Variants in NKAIN2 observed in about 807,000 individuals in gnomAD.
NKAIN2 encodes sodium/potassium-transporting ATPase subunit beta-1-interacting protein 2.
A neutral mutation model predicts 32.6 loss-of-function variants in NKAIN2; 14 were observed. That is an observed-to-expected ratio of 0.43 (90% confidence interval 0.28 to 0.67). NKAIN2 has a LOEUF of 0.67. NKAIN2 is among the 30% of genes least tolerant of loss of function. NKAIN2 has a pLI of 0.17. For missense variants in NKAIN2, 198 were observed against 258.3 expected (o/e 0.77, Z 1.60); for synonymous variants, 80 against 87.2 (o/e 0.92, Z 0.46).
intron 1 of NKAIN2, among the ~76,000 whole-genome samples, chr6:124,245,171 TG>T (rs1793329940): frequency 6.6e-6 from 1 of 152,126 alleles, no homozygotes; most frequent in South Asian, 2.1e-4. Context: ...TTCACCTAAG[TG>T]TGTTCTCCAT....
intron 1 of NKAIN2, among the ~76,000 whole-genome samples, chr6:124,261,447 C>T (rs1340496639): frequency 6.6e-6 from 1 of 152,114 alleles, no homozygotes; most frequent in Non-Finnish European, 1.5e-5. Context: ...TGTTTGAATC[C>T]CTCAGACCTC....
In NKAIN2 at chr6:124,735,858, C is replaced by T. The variant is rs767475179; in HGVS notation, c.475-55481C>T. Among the ~76,000 whole-genome samples, 3 of 151,832 alleles carry T rather than the reference C, an allele frequency of 2.0e-5. No homozygotes were observed. The East Asian group carries it at 5.8e-4, about 29-fold the overall frequency. ...ATTCCCCCATCTCTCTCCCTTTCTTCCAGCCTCCCTATTCTTTCATACACA... is the reference window on the plus strand; with the variant it reads ...ATTCCCCCATCTCTCTCCCTTTCTTTCAGCCTCCCTATTCTTTCATACACA... On this transcript the variant is annotated intron_variant, in intron 4 of 6. Coordinates refer to ENST00000368417, the MANE Select transcript of NKAIN2 (RefSeq NM_001040214.3).
At chr6:124,474,974 C>T (rs934883666) in intron 3 of NKAIN2, among the ~76,000 whole-genome samples, 4 of 148,630 alleles carry the variant, frequency 2.7e-5, no homozygotes, top group South Asian at 2.1e-4. Context: ...CGTATAGACA[C>T]GCATGCATAT....
At chr6:123,915,986 A>T (rs373042146) in intron 1 of NKAIN2, among the ~76,000 whole-genome samples, 1 of 152,128 alleles carries the variant, frequency 6.6e-6, no homozygotes, top group Admixed American at 6.6e-5. Context: ...GCACTAGTGT[A>T]TTGGTTCATT....
intron 1 of NKAIN2, among the ~76,000 whole-genome samples, chr6:123,807,801 C>T (rs1329273104): frequency 3.3e-5 from 5 of 152,106 alleles, no homozygotes; most frequent in Admixed American, 2.6e-4. Flanking sequence ...TTTAGATTTA[C>T]ACTCCACAGA....
chr6:124,543,620 A>C (rs1337406418), intron 3 of NKAIN2, among the ~76,000 whole-genome samples: 3 of 152,206 alleles, frequency 2.0e-5, no homozygotes, highest in African/African-American at 7.2e-5. Flanking sequence ...TGAATTCTAA[A>C]ATGGTGCAAG....
chr6:124,267,087 A>G (rs946307006), intron 1 of NKAIN2, among the ~76,000 whole-genome samples: 1 of 152,174 alleles, frequency 6.6e-6, no homozygotes, highest in African/African-American at 2.4e-5. Context: ...TTTGCCAACA[A>G]ACTGTCTTTA....
At chr6:124,339,632 G>C (rs894801235) in intron 2 of NKAIN2, among the ~76,000 whole-genome samples, 1 of 152,164 alleles carries the variant, frequency 6.6e-6, no homozygotes, top group African/African-American at 2.4e-5. Flanking sequence ...AAGGATACAG[G>C]TGGTTACATT....
chr6:124,004,282 T>A (rs1215020519), intron 1 of NKAIN2, among the ~76,000 whole-genome samples: 1 of 152,144 alleles, frequency 6.6e-6, no homozygotes, highest in African/African-American at 2.4e-5. Context: ...TCAGATCCTT[T>A]CATTCAAAAA....
intron 3 of NKAIN2, among the ~76,000 whole-genome samples, chr6:124,630,173 C>A (rs1286323557): frequency 1.3e-5 from 2 of 152,068 alleles, no homozygotes; most frequent in Non-Finnish European, 2.9e-5. Flanking sequence ...CAAATAAATC[C>A]AGGCTCCATA....
chr6:124,273,622 G>C (rs1794902775), intron 1 of NKAIN2, among the ~76,000 whole-genome samples: 1 of 152,052 alleles, frequency 6.6e-6, no homozygotes, highest in Non-Finnish European at 1.5e-5. Context: ...ATTGATTTGG[G>C]TTTCCACACC....
At chr6:124,400,752 A>T (rs973294948) in intron 3 of NKAIN2, among the ~76,000 whole-genome samples, 2 of 152,224 alleles carry the variant, frequency 1.3e-5, no homozygotes, top group African/African-American at 4.8e-5. Flanking sequence ...AATGTGCATG[A>T]AACAAAGCAA....
intron 3 of NKAIN2, among the ~76,000 whole-genome samples, chr6:124,531,791 C>T (rs1779536326): frequency 6.6e-6 from 1 of 152,162 alleles, no homozygotes; most frequent in Non-Finnish European, 1.5e-5. Context: ...GTGCCTTGGC[C>T]TTCCAATTAG....
At chr6:124,036,874 T>C (rs1489699371) in intron 1 of NKAIN2, among the ~76,000 whole-genome samples, 1 of 152,172 alleles carries the variant, frequency 6.6e-6, no homozygotes, top group Non-Finnish European at 1.5e-5. Context: ...TCCCTCAGCC[T>C]CCAGCTAAAA....
At chr6:124,385,408 G>A (rs184164225) in intron 3 of NKAIN2, among the ~76,000 whole-genome samples, 85 of 152,042 alleles carry the variant, frequency 5.6e-4, no homozygotes, top group Non-Finnish European at 1.1e-3. Flanking sequence ...CTCTACTAAT[G>A]CAGCCAATCT....
Position 124,062,465 on chromosome 6 carries a change from G to T in NKAIN2, c.55-220540G>T, listed in dbSNP as rs138788663. 4.5e-3 allele frequency among the ~76,000 whole-genome samples: 688 copies of T among 152,278 alleles called. 1 individual carries two copies. The highest frequency in any genetic ancestry group is 0.015 in the African/African-American group (636 of 41,568). Reference sequence around the variant, plus strand: ...TTATTTTGAGACAGGATCTCACTCTGTTGCCCAGGCTGGAATGCAGTGGCA... The same window carrying T: ...TTATTTTGAGACAGGATCTCACTCTTTTGCCCAGGCTGGAATGCAGTGGCA... On this transcript the variant is annotated intron_variant, in intron 1 of 6. Transcript: ENST00000368417.
intron 4 of NKAIN2, among the ~76,000 whole-genome samples, chr6:124,778,562 G>T (rs1221349988): frequency 6.6e-6 from 1 of 151,912 alleles, no homozygotes; most frequent in Non-Finnish European, 1.5e-5. Context: ...AAGAACTGAT[G>T]ATCTGGATAG....
chr6:124,207,534 C>T (rs911592105), intron 1 of NKAIN2, among the ~76,000 whole-genome samples: 7 of 150,370 alleles, frequency 4.7e-5, no homozygotes, highest in Non-Finnish European at 8.9e-5. Context: ...TTTAATTCTG[C>T]TTATTTTCTC....
chr6:124,505,568 C>T (rs1201511776), intron 3 of NKAIN2, among the ~76,000 whole-genome samples: 1 of 152,124 alleles, frequency 6.6e-6, no homozygotes, highest in Non-Finnish European at 1.5e-5. Flanking sequence ...TTCTGCTAAG[C>T]TAGAAAATAT....
Sources: gnomAD v4.1 joint callset for allele counts (sites outside exome capture counted in the v4.1 genomes callset) on GRCh38, gnomAD v4.1.1 for gene constraint, MANE v1.5 for transcripts, NCBI Gene and HGNC (gene_info 2026-07-23, HGNC 2026-07-21) for gene names.